EXOC4: variants seen among roughly 807,000 people sequenced by gnomAD.
The protein encoded by EXOC4 is exocyst complex component 4.
Under a neutral mutation model 107.2 loss-of-function variants are expected in EXOC4, and 71 were observed. That is an observed-to-expected ratio of 0.66 (90% confidence interval 0.55 to 0.81). The LOEUF (loss-of-function observed/expected upper bound fraction) is 0.81. Among genes scored for constraint, EXOC4 ranks in the 30% least tolerant of loss-of-function variants. The probability of loss-of-function intolerance (pLI) is 0.00; values close to 1 mark genes in which losing one functional copy is unlikely to be tolerated. For synonymous variants in EXOC4, 456 were observed against 441.2 expected, an observed-to-expected ratio of 1.03 and a Z score of -0.42; for missense variants, 1,108 against 1,189.6, an observed-to-expected ratio of 0.93 and a Z score of 1.01.
chr7:133,877,217 C>G lies in EXOC4; in HGVS notation c.1735-18382C>G, dbSNP rs1052623735. ...AGACATAGGACCCTATTCCTAATAG[C>G]TGTTTTAACCTCCTTGTCTATTATC... On this transcript the variant is annotated intron_variant, in intron 11 of 17. Coordinates refer to ENST00000253861, the MANE Select transcript of EXOC4 (RefSeq NM_021807.4). Among the ~76,000 whole-genome samples the G allele has an allele frequency of 2.0e-5, 3 of 152,190 alleles. No homozygotes were observed. In the East Asian group the frequency reaches 5.8e-4, roughly 29 times the overall value.
intron 10 of EXOC4, among the ~76,000 whole-genome samples, chr7:133,665,227 G>A (rs139531685): frequency 1.0e-3 from 155 of 152,252 alleles, no homozygotes; most frequent in African/African-American, 3.6e-3. Context: ...TAAGTGAGAA[G>A]CATGTGTGTC....
rs186765574 is a variant in EXOC4 at position 133,840,629 on chromosome 7, C to T, written c.1734+23085C>T. Reference sequence around the variant, plus strand: ...TCTTGAGTAGCTGGGACTACAGGCACGCTCCACCACACCTGGCTATTTTTT... The same window carrying T: ...TCTTGAGTAGCTGGGACTACAGGCATGCTCCACCACACCTGGCTATTTTTT... On this transcript the variant is annotated intron_variant, in intron 11 of 17. Transcript: ENST00000253861. Among the ~76,000 whole-genome samples the T allele has an allele frequency of 1.1e-4, 16 of 151,544 alleles. No homozygotes were observed. The East Asian group carries it at 2.0e-3, about 18-fold the overall frequency.
chr7:133,406,820 G>A (rs1055593937), intron 7 of EXOC4, among the ~76,000 whole-genome samples: 2 of 152,206 alleles, frequency 1.3e-5, no homozygotes, highest in African/African-American at 4.8e-5. Context: ...GCAATGTGAT[G>A]TATGAATGTA....
chr7:133,729,687 A>G lies in EXOC4; in HGVS notation c.1515-87638A>G, dbSNP rs962468036. Among the ~76,000 whole-genome samples, 12 of 152,090 alleles carry G rather than the reference A, an allele frequency of 7.9e-5. 1 individual carries two copies. The highest frequency in any genetic ancestry group is 7.9e-4 in the Admixed American group (12 of 15,276). ...GTAAGACTTCTCAAGCTTTCTTGTT[A>G]TTTTATTTTTAGTTAGTTATAGATT... On this transcript the variant is annotated intron_variant, in intron 10 of 17. Coordinates refer to ENST00000253861, the MANE Select transcript of EXOC4 (RefSeq NM_021807.4).
intron 9 of EXOC4, among the ~76,000 whole-genome samples, chr7:133,594,116 A>G (rs952809411): frequency 1.3e-5 from 2 of 152,206 alleles, no homozygotes; most frequent in Non-Finnish European, 2.9e-5. Flanking sequence ...CTGAGACAGT[A>G]ATCTTAGAAT....
chr7:134,090,252 A>G, the EXOC4 span, among the ~76,000 whole-genome samples: 1 of 152,230 alleles, frequency 6.6e-6, no homozygotes, highest in East Asian at 1.9e-4. Context: ...CCAGGCCACC[A>G]TTGTGAAAAG....
chr7:133,926,919 A>G (rs1800064664), intron 13 of EXOC4, among the ~76,000 whole-genome samples: 1 of 152,186 alleles, frequency 6.6e-6, no homozygotes, highest in South Asian at 2.1e-4. Context: ...ATTCATTTCC[A>G]GCAAGCAAGA....
chr7:133,701,352 T>A (rs1794651420), intron 10 of EXOC4, among the ~76,000 whole-genome samples: 2 of 152,324 alleles, frequency 1.3e-5, no homozygotes, highest in South Asian at 4.1e-4. Context: ...TTAACCTGAT[T>A]AAACAAGATC....
intron 9 of EXOC4, among the ~76,000 whole-genome samples, chr7:133,590,916 T>G (rs1361307800): frequency 6.6e-6 from 1 of 152,148 alleles, no homozygotes; most frequent in Admixed American, 6.5e-5. Flanking sequence ...CAGTATAACA[T>G]TCCCTCTGGG....
At chr7:133,628,040 G>A (rs1802499405) in intron 9 of EXOC4, among the ~76,000 whole-genome samples, 1 of 151,776 alleles carries the variant, frequency 6.6e-6, no homozygotes, top group Admixed American at 6.6e-5. Context: ...GCTGTGTTTG[G>A]TAACATACAA....
intron 17 of EXOC4, among the ~76,000 whole-genome samples, chr7:134,043,049 A>G (rs979016522): frequency 4.6e-5 from 7 of 152,206 alleles, no homozygotes; most frequent in African/African-American, 1.7e-4. Context: ...TCAATCAGTC[A>G]ATCAATCAAT....
At chr7:133,364,001 C>A (rs1796191031) in intron 6 of EXOC4, among the ~76,000 whole-genome samples, 1 of 152,138 alleles carries the variant, frequency 6.6e-6, no homozygotes, top group Non-Finnish European at 1.5e-5. Context: ...TTCAAATTGT[C>A]TGGGTCTTCT....
chr7:133,514,234 A>G (rs1298876417), intron 9 of EXOC4, among the ~76,000 whole-genome samples: 2 of 150,906 alleles, frequency 1.3e-5, no homozygotes, highest in Non-Finnish European at 2.9e-5. Context: ...GCGCGATCTC[A>G]GCTCACTGCA....
chr7:133,480,044 C>G lies in EXOC4; in HGVS notation c.1329-6C>G, dbSNP rs370133161. The G allele has an allele frequency of 4.0e-5, 64 of 1,613,156 alleles. No individual in the cohort carries two copies. The Middle Eastern group carries it at 2.6e-3, about 67-fold the overall frequency. ...GCTTGTCTGTTTCCCCTGTGTTTCTCTGCAGGTTCGAATCGTCCTCCCATG... is the reference window on the plus strand; with the variant it reads ...GCTTGTCTGTTTCCCCTGTGTTTCTGTGCAGGTTCGAATCGTCCTCCCATG... On this transcript the variant is annotated splice_region_variant and splice_polypyrimidine_tract_variant and intron_variant, in intron 8 of 17. Transcript: ENST00000253861.
intron 14 of EXOC4, among the ~76,000 whole-genome samples, chr7:133,974,421 C>A (rs1443088264): frequency 2.0e-5 from 3 of 152,136 alleles, no homozygotes; most frequent in Non-Finnish European, 4.4e-5. Context: ...AGAAAACTAT[C>A]CAAATTATTT....
intron 10 of EXOC4, among the ~76,000 whole-genome samples, chr7:133,813,568 G>T (rs1038910094): frequency 2.8e-4 from 43 of 152,284 alleles, no homozygotes; most frequent in African/African-American, 9.6e-4. Flanking sequence ...GATGAGAACA[G>T]AAGGGGTCAT....
rs555625775 is a variant in EXOC4 at position 133,594,555 on chromosome 7, C to T, written c.1418-35490C>T. ...CTTTCACCAGGCTGGAGTGCGATGG[C>T]GTGATCTTGGCTCACTGCAATCTCC... On this transcript the variant is annotated intron_variant, in intron 9 of 17. Coordinates refer to ENST00000253861, the MANE Select transcript of EXOC4 (RefSeq NM_021807.4). Among the ~76,000 whole-genome samples, 66 of 123,018 alleles carry T rather than the reference C, an allele frequency of 5.4e-4. 2 individuals carry two copies. The South Asian group carries it at 0.017, about 31-fold the overall frequency. 80.7% of individuals were successfully genotyped at this position (123,018 alleles called of 152,430 possible).
intron 10 of EXOC4, among the ~76,000 whole-genome samples, chr7:133,743,826 G>A (rs1300151611): frequency 6.6e-6 from 1 of 152,138 alleles, no homozygotes; most frequent in Non-Finnish European, 1.5e-5. Flanking sequence ...CCCTGATGCT[G>A]TGAAATCTTC....
chr7:133,787,953 A>ATT (rs1265639298), intron 10 of EXOC4, among the ~76,000 whole-genome samples: 1,881 of 15,498 alleles, frequency 0.12, 494 homozygotes, highest in East Asian at 0.3. Context: ...CTGTGCATAT[A>ATT]TTTATATATT....
Sources: allele counts gnomAD v4.1 joint callset (sites outside exome capture counted in the v4.1 genomes callset), GRCh38; gene constraint gnomAD v4.1.1; transcripts MANE v1.5; gene names NCBI Gene and HGNC (gene_info 2026-07-23, HGNC 2026-07-21).